INF2: variants seen among roughly 807,000 people sequenced by gnomAD.
INF2 encodes the protein inverted formin 2, also known as inverted formin-2.
A neutral mutation model predicts 123.5 loss-of-function variants in INF2; 43 were observed. The observed-to-expected ratio is 0.35, with a 90% CI of 0.27 to 0.45. INF2 has a LOEUF of 0.45. Among genes scored for constraint, INF2 ranks in the 20% least tolerant of loss-of-function variants. The pLI, the probability that INF2 is intolerant of heterozygous loss-of-function variation, is 1.00. For missense variants in INF2, 1,453 were observed against 1,682.7 expected, an observed-to-expected ratio of 0.86 and a Z score of 2.39; for synonymous variants, 851 against 745.0, an observed-to-expected ratio of 1.14 and a Z score of -2.32.
intron 20 of INF2, 148 bp from the exon 21 acceptor site, chr14:104,714,055 G>A (rs2140698951): frequency 2.9e-6 from 2 of 696,850 alleles, no homozygotes; most frequent in East Asian, 5.4e-5. Flanking sequence ...GGACGCTGAG[G>A]CCGGGTCCTG....
chr14:104,695,576 G>C (rs1212576291), intron 1 of INF2, among the ~76,000 whole-genome samples: 1 of 152,030 alleles, frequency 6.6e-6, no homozygotes. Context: ...GGCTGCGCTT[G>C]CCGACTCTCC....
Position 104,709,619 on chromosome 14 carries a change from G to T in INF2, c.2053-1G>T. 6.2e-7 allele frequency: 1 copy of T among 1,612,392 alleles called. No homozygotes were observed. The highest frequency in any genetic ancestry group is 8.5e-7 in the Non-Finnish European group (1 of 1,179,550). On this transcript the variant is annotated splice_acceptor_variant, in intron 11 of 22. Transcript: ENST00000392634. LOFTEE classifies it high-confidence loss of function. The stretch of plus-strand genomic sequence containing the variant: ...CCCACATGCCGTTCTCCTCCTGGCA[G>T]ATTGAAAACCTGCGGGCATTCACAG...
In INF2 at chr14:104,712,770, AC is replaced by A. The variant is rs949230689; in HGVS notation, c.2611-54del. 3.9e-5 allele frequency: 60 copies of A among 1,534,268 alleles called. No individual in the cohort carries two copies. The African/African-American group carries it at 6.7e-4, about 17-fold the overall frequency. ...TCACCCTCCCGCAACTCAGGGCCTCACCCCGGGTGGTGCCCGCGCGGGGCTC... is the reference window on the plus strand; with the variant it reads ...TCACCCTCCCGCAACTCAGGGCCTCACCCGGGTGGTGCCCGCGCGGGGCTC... On this transcript the variant is annotated intron_variant, in intron 17 of 22. Transcript: ENST00000392634.
intron 22 of INF2, among the ~76,000 whole-genome samples, chr14:104,716,657 A>G (rs1890312579): frequency 6.6e-6 from 1 of 152,196 alleles, no homozygotes; most frequent in Non-Finnish European, 1.5e-5. Flanking sequence ...GGCTGAGGGC[A>G]AGAGGAAGAA....
At position 104,714,680 on chromosome 14, in the gene INF2, A is replaced by T. The variant is rs369263514; in HGVS notation, c.3518A>T (p.Asp1173Val). 6.2e-7 allele frequency: 1 copy of T among 1,611,474 alleles called. No homozygotes were observed. Residue 1173 changes from aspartate to valine, a missense_variant, in exon 21 of 23, where the codon GAC becomes GTC. Around this residue, in one of 8 missense-constraint regions of INF2, gnomAD observed 344 missense variants for 333.1 expected, o/e 1.03. Coordinates refer to ENST00000392634, the MANE Select transcript of INF2 (RefSeq NM_022489.4). ...GCAGCAGGCCCAGGTGGGGATGAGG[A>T]CGAGGACGAGGAGGACACGGCCCCA... ...PPAAGPGGDE[D>V]EDEEDTAPES...
Position 104,689,631 on chromosome 14 carries a change from G to A in INF2, c.-118G>A. The A allele has an allele frequency of 3.8e-5, 23 of 600,070 alleles. No homozygotes were observed. The highest frequency in any genetic ancestry group is 4.8e-5 in the Non-Finnish European group (23 of 483,522). 37.2% of individuals were successfully genotyped at this position (600,070 alleles called of 1,614,324 possible). Reference sequence around the variant, plus strand: ...CGCCCCGCGCCCGCCAGGAGCCACCGTCCGAGCCTTGCGGAGCGCGGCAGT... The same window carrying A: ...CGCCCCGCGCCCGCCAGGAGCCACCATCCGAGCCTTGCGGAGCGCGGCAGT... On this transcript the variant is annotated 5_prime_UTR_variant, in exon 1 of 23. Transcript: ENST00000392634.
chr14:104,708,402 C>G (rs749592015), intron 8 of INF2, 34 bp from the exon 9 acceptor site: 2 of 1,607,220 alleles, frequency 1.2e-6, no homozygotes, highest in African/African-American at 1.3e-5. Context: ...CCCGGGGCTG[C>G]GAGAGCCTCA....
upstream of INF2, among the ~76,000 whole-genome samples, chr14:104,687,723 C>T (rs7155571): frequency 6.6e-6 from 1 of 152,172 alleles, no homozygotes. This position sits in a 1 kb window ranked among gnomAD's most constrained non-coding sequence, Gnocchi z 5.6. Context: ...CTCCCTCCCC[C>T]ATCAGGGCAG....
In INF2 at chr14:104,710,113, C is replaced by T. The variant is rs1889974745; in HGVS notation, c.2164C>T (p.Leu722=). The change falls in exon 13 of 23, where the codon CTG becomes TTG. Residue 722 remains leucine (L), a synonymous_variant. Coordinates refer to ENST00000392634, the MANE Select transcript of INF2 (RefSeq NM_022489.4). ...PCYQLRIECM[L]LCEGAAAVLD... Reference sequence around the variant, plus strand: ...CTACCAGCTGCGAATCGAGTGCATGCTGCTGTGTGAGGGCGCGGCCGCCGT... The same window carrying T: ...CTACCAGCTGCGAATCGAGTGCATGTTGCTGTGTGAGGGCGCGGCCGCCGT... 1 of 1,552,878 alleles carries T rather than the reference C, an allele frequency of 6.4e-7. No homozygotes were observed. Among genetic ancestry groups the T allele is most frequent in the Non-Finnish European group, 8.7e-7 (1 of 1,148,684 alleles).
intron 17 of INF2, 128 bp downstream of exon 17, chr14:104,712,681 G>T: frequency 6.6e-7 from 1 of 1,519,728 alleles, no homozygotes; most frequent in East Asian, 2.3e-5. Context: ...GGTGTGCATG[G>T]TCAGGGCACA....
intron 1 of INF2, among the ~76,000 whole-genome samples, chr14:104,698,544 G>A (rs1216327618): frequency 6.6e-6 from 1 of 152,252 alleles, no homozygotes; most frequent in Non-Finnish European, 1.5e-5. Flanking sequence ...CTGCTGGCTG[G>A]AATTTGGGCT....
chr14:104,712,726 G>A, intron 17 of INF2, 102 bp from the exon 18 acceptor site: 1 of 1,478,914 alleles, frequency 6.8e-7, no homozygotes, highest in Non-Finnish European at 9.1e-7. Flanking sequence ...ACCGTCCTCA[G>A]GGCCTGTCCC....
chr14:104,707,479 CATCCTGAAAGTTTCG>C lies in INF2; in HGVS notation c.1213_1227del (p.Ile405_Ser409del). 6.4e-7 allele frequency: 1 copy of C among 1,551,428 alleles called. No individual in the cohort carries two copies. Among genetic ancestry groups the C allele is most frequent in the Non-Finnish European group, 8.7e-7 (1 of 1,148,008 alleles). Reference sequence around the variant, plus strand: ...CCGTGGACCACGCCCAGAGTGAGAGCATCCTGAAAGTTTCGCAGCCCAGAGCCCTGGAGCAGCAGG... The same window carrying C: ...CCGTGGACCACGCCCAGAGTGAGAGCCAGCCCAGAGCCCTGGAGCAGCAGG... On this transcript the variant is annotated inframe_deletion, in exon 8 of 23. Coordinates refer to ENST00000392634, the MANE Select transcript of INF2 (RefSeq NM_022489.4).
intron 5 of INF2, 81 bp from the exon 6 acceptor site, chr14:104,705,954 A>G: frequency 3.9e-6 from 6 of 1,545,568 alleles, no homozygotes; most frequent in African/African-American, 1.4e-5. Context: ...GGGCTGGTAC[A>G]CTGGCGCTGA....
At chr14:104,704,097 C>A in intron 5 of INF2, 148 bp downstream of exon 5, 1 of 1,495,916 alleles carries the variant, frequency 6.7e-7, no homozygotes, top group Non-Finnish European at 8.9e-7. Context: ...AGGGGTCCAG[C>A]CAGAAGCCAG....
chr14:104,714,597 C>G lies in INF2; in HGVS notation c.3435C>G (p.Ala1145=). The G allele has an allele frequency of 6.2e-7, 1 of 1,612,566 alleles. No individual in the cohort carries two copies. Among genetic ancestry groups the G allele is most frequent in the South Asian group, 1.1e-5 (1 of 91,090 alleles). ...TSLLGVLQAE[A]DSTSEGLEDA... ...TGCTGGGCGTCCTCCAGGCCGAGGC[C>G]GACAGCACAAGTGAGGGGCTGGAGG... The change falls in exon 21 of 23, where the codon GCC becomes GCG. Residue 1145 remains alanine (A), a synonymous_variant. Coordinates refer to ENST00000392634, the MANE Select transcript of INF2 (RefSeq NM_022489.4).
At chr14:104,688,413 G>A (rs554177420), upstream of INF2, among the ~76,000 whole-genome samples, 13 of 152,352 alleles carry the variant, frequency 8.5e-5, no homozygotes, top group South Asian at 2.1e-4. Flanking sequence ...AAGCTGCATC[G>A]GGGCTGGGAA....
rs920332447 is a variant in INF2 at position 104,707,188 on chromosome 14, C to T, written c.986-65C>T. 13 of 1,535,554 alleles carry T rather than the reference C, an allele frequency of 8.5e-6. No individual in the cohort carries two copies. The Admixed American group carries it at 1.6e-4, about 18-fold the overall frequency. ...GGTGGCCGCTTTTTCCTGCCTCTTC[C>T]TCAAGCCCCCATCCCTCCCTCTCCG... On this transcript the variant is annotated intron_variant, in intron 7 of 22. Coordinates refer to ENST00000392634, the MANE Select transcript of INF2 (RefSeq NM_022489.4).
chr14:104,708,676 T>C lies in INF2; in HGVS notation c.1893T>C (p.Thr631=). 2 of 1,612,968 alleles carry C rather than the reference T, an allele frequency of 1.2e-6. No individual in the cohort carries two copies. Among genetic ancestry groups the C allele is most frequent in the East Asian group, 2.2e-5 (1 of 44,842 alleles). The change falls in exon 10 of 23, where the codon ACT becomes ACC. Residue 631 remains threonine, a synonymous_variant. Transcript: ENST00000392634. The stretch of plus-strand genomic sequence containing the variant: ...TTGGGTGGGGGGTTTTCTAGATCAC[T>C]TTCCTCGATGCCAAGAAGAGCCTGA... ...PRARKEPKEI[T]FLDAKKSLNL...
Sources: allele counts gnomAD v4.1 joint callset (sites outside exome capture counted in the v4.1 genomes callset), GRCh38; gene constraint gnomAD v4.1.1; regional missense constraint gnomAD v4.1.1; non-coding constraint Gnocchi (gnomAD v3.1); transcripts MANE v1.5; gene names NCBI Gene and HGNC (gene_info 2026-07-23, HGNC 2026-07-21).